Variants in CFAP100 observed in about 807,000 individuals in gnomAD.
CFAP100 encodes cilia- and flagella-associated protein 100.
Under a neutral mutation model 81.5 loss-of-function variants are expected in CFAP100, and 70 were observed. The observed-to-expected ratio is 0.86, with a 90% CI of 0.71 to 1.05. CFAP100 has a LOEUF of 1.05. Among genes scored for constraint, CFAP100 ranks in the 50% least tolerant of loss-of-function variants. The pLI, the probability that CFAP100 is intolerant of heterozygous loss-of-function variation, is 0.00. For synonymous variants in CFAP100, 341 were observed against 314.8 expected (o/e 1.08, Z -0.88); for missense variants, 811 against 776.5 (o/e 1.04, Z -0.53).
chr3:126,436,454 C>A lies in CFAP100; in HGVS notation c.*50C>A. ...GCTGAAGGCTTAGCAAAGATGTTGG[C>A]AGAGGAAGCAGAGACTGGGCTGGGT... is the stretch of plus-strand genomic sequence containing the variant. On this transcript the variant is annotated 3_prime_UTR_variant, in exon 17 of 17. Transcript: ENST00000352312. 2.1e-6 allele frequency: 3 copies of A among 1,416,438 alleles called. No individual in the cohort carries two copies. Among genetic ancestry groups the A allele is most frequent in the Non-Finnish European group, 2.0e-6 (2 of 1,016,114 alleles). 87.7% of individuals were successfully genotyped at this position (1,416,438 alleles called of 1,614,324 possible).
chr3:126,412,246 T>G lies in CFAP100; in HGVS notation c.131-1839T>G, dbSNP rs1414563553. 2.0e-5 allele frequency among the ~76,000 whole-genome samples: 3 copies of G among 152,236 alleles called. No individual in the cohort carries two copies. In the East Asian group the frequency reaches 5.8e-4, roughly 29 times the overall value. ...TTGGCTTCTCTTCCTGCACTCCTTG[T>G]TCTGCCCCAACTCTCCTGCCTCCCA... is the stretch of plus-strand genomic sequence containing the variant. On this transcript the variant is annotated intron_variant, in intron 3 of 16. Coordinates refer to ENST00000352312, the MANE Select transcript of CFAP100 (RefSeq NM_182628.3).
At chr3:126,420,293 C>T (rs1576637346) in intron 11 of CFAP100, 64 bp downstream of exon 11, 2 of 1,593,102 alleles carry the variant, frequency 1.3e-6, no homozygotes, top group East Asian at 2.2e-5. Flanking sequence ...TTGTGGCACC[C>T]ATGTGTAGTC....
intron 3 of CFAP100, among the ~76,000 whole-genome samples, chr3:126,411,530 T>C (rs1424954165): frequency 6.6e-5 from 10 of 152,038 alleles, no homozygotes; most frequent in African/African-American, 2.2e-4. Context: ...CAGCTGTGAA[T>C]CCATCTGCTT....
intron 13 of CFAP100, among the ~76,000 whole-genome samples, chr3:126,430,052 C>T (rs531524938): frequency 3.9e-4 from 60 of 152,270 alleles, no homozygotes; most frequent in African/African-American, 1.4e-3. Flanking sequence ...AGTTGTTGTA[C>T]ATGATAAGTC....
chr3:126,432,400 A>G (rs1295984575), intron 13 of CFAP100, among the ~76,000 whole-genome samples: 1 of 152,186 alleles, frequency 6.6e-6, no homozygotes, highest in Non-Finnish European at 1.5e-5. Context: ...ATGAATGTTC[A>G]TAGCAGCAAT....
At chr3:126,406,580 T>A (rs973412535) in intron 2 of CFAP100, among the ~76,000 whole-genome samples, 12 of 152,198 alleles carry the variant, frequency 7.9e-5, no homozygotes, top group Non-Finnish European at 1.8e-4. Context: ...AACACCTGAG[T>A]AGTCACCTGA....
At chr3:126,432,447 C>T (rs950818694) in intron 13 of CFAP100, among the ~76,000 whole-genome samples, 1 of 152,098 alleles carries the variant, frequency 6.6e-6, no homozygotes, top group Non-Finnish European at 1.5e-5. Flanking sequence ...AACCCAAATG[C>T]CCATCAATGG....
At chr3:126,423,757 T>A in intron 13 of CFAP100, 113 bp downstream of exon 13, 1 of 1,269,032 alleles carries the variant, frequency 7.9e-7, no homozygotes, top group Non-Finnish European at 1.1e-6. Flanking sequence ...GGCCCTGGCC[T>A]GGTCCAGGTT....
At position 126,401,511 on chromosome 3, in the gene CFAP100, A is replaced by G. The variant is rs111763888; in HGVS notation, c.49+5462A>G. Among the ~76,000 whole-genome samples the G allele has an allele frequency of 4.2e-3, 634 of 150,196 alleles. 5 individuals are homozygous for G. Among genetic ancestry groups the G allele is most frequent in the African/African-American group, 0.014 (586 of 40,850 alleles). ...TTAAATAAGTGAAGTAAACAACTAA[A>G]TAGACAGGATGGTTCCCAGCAGTGC... On this transcript the variant is annotated intron_variant, in intron 2 of 16. Coordinates refer to ENST00000352312, the MANE Select transcript of CFAP100 (RefSeq NM_182628.3).
chr3:126,395,668 C>G (rs1277557793), intron 1 of CFAP100, among the ~76,000 whole-genome samples: 1 of 152,120 alleles, frequency 6.6e-6, no homozygotes, highest in East Asian at 1.9e-4. Context: ...AAGCCCAGCA[C>G]CCCCAGCTGG....
rs56249367 is a variant in CFAP100 at position 126,429,622 on chromosome 3, GT to G, written c.1287-3436del. 9.9e-3 allele frequency among the ~76,000 whole-genome samples: 1,436 copies of G among 145,682 alleles called. 15 individuals are homozygous for G. The highest frequency in any genetic ancestry group is 0.033 in the African/African-American group (1,303 of 40,074). Reference sequence around the variant, plus strand: ...TTATCTTCTTTTGTATCTACTGTAGGTTTTTTTTTTTGTACTTACCATGAAA... The same window carrying G: ...TTATCTTCTTTTGTATCTACTGTAGGTTTTTTTTTTGTACTTACCATGAAA... On this transcript the variant is annotated intron_variant, in intron 13 of 16. Transcript: ENST00000352312.
At chr3:126,418,284 TC>T in intron 5 of CFAP100, 173 bp from the exon 6 acceptor site, 1 of 612,444 alleles carries the variant, frequency 1.6e-6, no homozygotes, top group South Asian at 2.0e-5. Context: ...CAGAGCCTTC[TC>T]TCTTTTTGTG....
intron 13 of CFAP100, among the ~76,000 whole-genome samples, chr3:126,429,922 G>T (rs2107616996): frequency 6.6e-6 from 1 of 152,178 alleles, no homozygotes; most frequent in East Asian, 1.9e-4. Context: ...TTAAAGGATA[G>T]TTTTCCTGCG....
At chr3:126,399,278 A>G (rs1226228019) in intron 2 of CFAP100, among the ~76,000 whole-genome samples, 1 of 152,238 alleles carries the variant, frequency 6.6e-6, no homozygotes, top group African/African-American at 2.4e-5. Flanking sequence ...AGCCTGGAAC[A>G]TCACAGGCCT....
At chr3:126,406,362 C>A (rs1397909547) in intron 2 of CFAP100, among the ~76,000 whole-genome samples, 2 of 152,208 alleles carry the variant, frequency 1.3e-5, no homozygotes, top group African/African-American at 2.4e-5. Context: ...CACTCCGGGA[C>A]CACACAGTCC....
chr3:126,400,909 C>A (rs1198404712), intron 2 of CFAP100, among the ~76,000 whole-genome samples: 1 of 152,180 alleles, frequency 6.6e-6, no homozygotes, highest in East Asian at 1.9e-4. Context: ...GTGTTATTCA[C>A]AATAGCCAAG....
chr3:126,419,011 C>T (rs1560073806), intron 7 of CFAP100, 65 bp from the exon 8 acceptor site: 3 of 1,081,378 alleles, frequency 2.8e-6, no homozygotes, highest in Non-Finnish European at 4.0e-6. Context: ...TGTGCTCACC[C>T]CTCTTTAATA....
chr3:126,404,090 T>C (rs535984450), intron 2 of CFAP100, among the ~76,000 whole-genome samples: 6 of 152,336 alleles, frequency 3.9e-5, no homozygotes, highest in African/African-American at 1.2e-4. Context: ...AGGATACTAA[T>C]AGAATGAGGC....
chr3:126,434,072 C>G, intron 14 of CFAP100, 104 bp from the exon 15 acceptor site: 1 of 940,076 alleles, frequency 1.1e-6, no homozygotes, highest in East Asian at 2.5e-5. Flanking sequence ...GTGTGCCAAG[C>G]GGTGGCCCCC....
Sources: allele counts gnomAD v4.1 joint callset (sites outside exome capture counted in the v4.1 genomes callset), GRCh38; gene constraint gnomAD v4.1.1; transcripts MANE v1.5; gene names NCBI Gene and HGNC (gene_info 2026-07-23, HGNC 2026-07-21).